The following COL19A1 variants were observed in gnomAD, a reference collection of about 807,000 sequenced individuals.
COL19A1 encodes the protein collagen alpha-1(XIX) chain.
COL19A1 carries 159 observed loss-of-function variants against 190.2 expected under a neutral mutation model. The ratio of observed to expected loss-of-function variants is 0.84; its 90% CI spans 0.73 to 0.95. The LOEUF is 0.95. COL19A1 is among the 40% of genes least tolerant of loss of function. The pLI, the probability that COL19A1 is intolerant of heterozygous loss-of-function variation, is 0.00. For synonymous variants in COL19A1, 509 were observed against 458.9 expected (o/e 1.11, Z -1.39); for missense variants, 1,418 against 1,431.9 (o/e 0.99, Z 0.16).
chr6:70,002,621 C>T (rs999800314), intron 11 of COL19A1, among the ~76,000 whole-genome samples: 1 of 149,698 alleles, frequency 6.7e-6, no homozygotes, highest in Non-Finnish European at 1.5e-5. Context: ...ATATATATAT[C>T]TATTTCTTCT....
intron 2 of COL19A1, among the ~76,000 whole-genome samples, chr6:69,888,846 T>G (rs1239382518): frequency 6.6e-6 from 1 of 152,202 alleles, no homozygotes; most frequent in Non-Finnish European, 1.5e-5. Flanking sequence ...TTATTTTTGT[T>G]TTATTCTTGT....
intron 18 of COL19A1, among the ~76,000 whole-genome samples, chr6:70,135,583 A>C (rs1435548598): frequency 6.6e-6 from 1 of 152,184 alleles, no homozygotes; most frequent in Non-Finnish European, 1.5e-5. Flanking sequence ...CTCACTGCCC[A>C]CTGTGCACCG....
At chr6:69,949,121 A>G (rs1192618302) in intron 9 of COL19A1, among the ~76,000 whole-genome samples, 1 of 151,824 alleles carries the variant, frequency 6.6e-6, no homozygotes, top group Non-Finnish European at 1.5e-5. Flanking sequence ...TTACTCTTAA[A>G]GGGTCTCACA....
intron 34 of COL19A1, among the ~76,000 whole-genome samples, chr6:70,157,659 G>C (rs1015456550): frequency 5.9e-5 from 9 of 151,922 alleles, no homozygotes; most frequent in African/African-American, 1.9e-4. Flanking sequence ...TGAATACCAA[G>C]TATATTCAAT....
chr6:70,007,660 A>G (rs1199533938), intron 11 of COL19A1, among the ~76,000 whole-genome samples: 4 of 152,034 alleles, frequency 2.6e-5, no homozygotes, highest in Non-Finnish European at 1.5e-5. Context: ...AATTATATTT[A>G]AAGATTTCAA....
intron 31 of COL19A1, among the ~76,000 whole-genome samples, chr6:70,155,301 T>C (rs1268418098): frequency 6.6e-6 from 1 of 152,144 alleles, no homozygotes; most frequent in Non-Finnish European, 1.5e-5. Flanking sequence ...TGTCCTACCT[T>C]CTGTCAACTG....
At chr6:70,029,962 A>C (rs185790696) in intron 12 of COL19A1, among the ~76,000 whole-genome samples, 2 of 152,148 alleles carry the variant, frequency 1.3e-5, no homozygotes, top group African/African-American at 4.8e-5. Flanking sequence ...GAAAACTATT[A>C]CTTATTATAC....
intron 14 of COL19A1, among the ~76,000 whole-genome samples, chr6:70,056,071 A>G (rs544216919): frequency 4.6e-5 from 7 of 151,238 alleles, no homozygotes; most frequent in East Asian, 2.0e-4. Flanking sequence ...GACTACCTTT[A>G]TTTTTTTCTC....
chr6:70,097,758 T>C (rs1158653018), intron 15 of COL19A1, among the ~76,000 whole-genome samples: 6 of 152,194 alleles, frequency 3.9e-5, no homozygotes, highest in Admixed American at 3.9e-4. Context: ...ACCACAGTTT[T>C]CAGGAAAATG....
intron 9 of COL19A1, among the ~76,000 whole-genome samples, chr6:69,948,434 G>A (rs1339208390): frequency 6.6e-6 from 1 of 151,706 alleles, no homozygotes; most frequent in Non-Finnish European, 1.5e-5. Flanking sequence ...ATGACAACCA[G>A]GTGCAAACTG....
In COL19A1 at chr6:70,168,251, C is replaced by T. The variant is rs1765287308; in HGVS notation, c.2541+36C>T. The T allele has an allele frequency of 1.9e-6, 3 of 1,602,004 alleles. No homozygotes were observed. The African/African-American group carries it at 4.0e-5, about 21-fold the overall frequency. ...TTGTTTATCATCAAACACACTTTAGCTGAACAACCACAATGAAAAACAAAC... is the reference window on the plus strand; with the variant it reads ...TTGTTTATCATCAAACACACTTTAGTTGAACAACCACAATGAAAAACAAAC... On this transcript the variant is annotated intron_variant, in intron 39 of 50. Transcript: ENST00000620364.
At chr6:70,035,867 C>CT (rs1327424428) in intron 13 of COL19A1, 37 bp from the exon 14 acceptor site, 2 of 1,576,740 alleles carry the variant, frequency 1.3e-6, no homozygotes, top group Admixed American at 3.4e-5. Context: ...CAAAAAGGGA[C>CT]TAGTGGTAAT....
chr6:70,059,593 A>G (rs1582805326), intron 14 of COL19A1, among the ~76,000 whole-genome samples: 1 of 152,202 alleles, frequency 6.6e-6, no homozygotes, highest in East Asian at 1.9e-4. Flanking sequence ...ATCCACTGGA[A>G]CTTAAAATGG....
intron 4 of COL19A1, among the ~76,000 whole-genome samples, chr6:69,916,989 A>T (rs1771350732): frequency 6.6e-6 from 1 of 152,208 alleles, no homozygotes; most frequent in Non-Finnish European, 1.5e-5. Flanking sequence ...TCATTTATGA[A>T]GTGAGATGAT....
rs1231433246 is a variant in COL19A1 at position 70,100,668 on chromosome 6, G to T, written c.1225-1501G>T. ...CCACCATGCCTGGCTAATTTTTTTT[G>T]TATTTTTAGTAGAAATGAGGTTTCT... On this transcript the variant is annotated intron_variant, in intron 15 of 50. Coordinates refer to ENST00000620364, the MANE Select transcript of COL19A1 (RefSeq NM_001858.6). Among the ~76,000 whole-genome samples the T allele has an allele frequency of 2.0e-5, 3 of 149,562 alleles. No homozygotes were observed. The East Asian group carries it at 5.9e-4, about 29-fold the overall frequency.
At chr6:69,899,088 A>G in intron 3 of COL19A1, 66 bp downstream of exon 3, 1 of 1,011,294 alleles carries the variant, frequency 9.9e-7, no homozygotes, top group South Asian at 1.3e-5. Flanking sequence ...CTAGATATGG[A>G]ATACATTATA....
At chr6:70,063,740 C>A (rs1006870225) in intron 14 of COL19A1, among the ~76,000 whole-genome samples, 2 of 151,634 alleles carry the variant, frequency 1.3e-5, no homozygotes, top group African/African-American at 4.8e-5. Flanking sequence ...GCTAGCAAGA[C>A]TAATAAAGAA....
chr6:70,108,293 C>G (rs1342148374), intron 16 of COL19A1, among the ~76,000 whole-genome samples: 1 of 152,016 alleles, frequency 6.6e-6, no homozygotes, highest in Non-Finnish European at 1.5e-5. Context: ...TATTTTCTTT[C>G]TTTTTTTCTT....
chr6:70,064,157 T>A (rs1191561155), intron 14 of COL19A1, among the ~76,000 whole-genome samples: 4 of 152,042 alleles, frequency 2.6e-5, no homozygotes, highest in African/African-American at 4.8e-5. Flanking sequence ...TACCAAAGCC[T>A]GGCAGAGACA....
Sources: gnomAD v4.1 joint callset for allele counts (sites outside exome capture counted in the v4.1 genomes callset) on GRCh38, gnomAD v4.1.1 for gene constraint, MANE v1.5 for transcripts, NCBI Gene and HGNC (gene_info 2026-07-23, HGNC 2026-07-21) for gene names.